TIAM2: variants seen among roughly 807,000 people sequenced by gnomAD.
The protein encoded by TIAM2 is rho guanine nucleotide exchange factor TIAM2.
TIAM2 carries 80 observed loss-of-function variants against 152.9 expected under a neutral mutation model. That is an observed-to-expected ratio of 0.52 (90% CI 0.44 to 0.63). TIAM2 has a LOEUF of 0.63. Among genes scored for constraint, TIAM2 ranks in the 30% least tolerant of loss-of-function variants. The pLI is 0.00. For synonymous variants in TIAM2, 804 were observed against 838.0 expected, an observed-to-expected ratio of 0.96 and a Z score of 0.70; for missense variants, 1,965 against 2,120.1, an observed-to-expected ratio of 0.93 and a Z score of 1.44.
At position 155,129,158 on chromosome 6, in the gene TIAM2, C is replaced by A; in HGVS notation, c.-6-60C>A. The A allele has an allele frequency of 6.7e-7, 1 of 1,485,586 alleles. No homozygotes were observed. Among genetic ancestry groups the A allele is most frequent in the Non-Finnish European group, 9.2e-7 (1 of 1,086,232 alleles). The allele number at this position is 1,485,586 out of a possible 1,614,324, so 92.0% of individuals were successfully genotyped here. A position where few individuals can be genotyped will look rare whatever the true frequency, so the allele number is the denominator to read the frequency against. ...TGCAGGGCATTCTTTTTAGAAAGTTCTGTCATAATGGAATGTAATTTAGGC... is the reference window on the plus strand; with the variant it reads ...TGCAGGGCATTCTTTTTAGAAAGTTATGTCATAATGGAATGTAATTTAGGC... On this transcript the variant is annotated intron_variant, in intron 3 of 26. Coordinates refer to ENST00000682666, the MANE Select transcript of TIAM2 (RefSeq NM_012454.4). This position sits in a 1 kb window ranked among gnomAD's most constrained non-coding sequence, Gnocchi z 4.8.
chr6:155,046,182 T>C (rs573363655), intron 1 of TIAM2, among the ~76,000 whole-genome samples: 49 of 152,242 alleles, frequency 3.2e-4, no homozygotes, highest in African/African-American at 1.2e-3. Flanking sequence ...TGCCCTCTCT[T>C]TTCTAGGATT....
chr6:155,047,149 C>A (rs569528844), intron 1 of TIAM2, among the ~76,000 whole-genome samples: 11 of 152,068 alleles, frequency 7.2e-5, no homozygotes, highest in African/African-American at 1.7e-4. Flanking sequence ...GGCAGCAGTC[C>A]CTGATTGTCC....
At chr6:155,177,406 T>A (rs1780783535) in intron 10 of TIAM2, among the ~76,000 whole-genome samples, 1 of 152,234 alleles carries the variant, frequency 6.6e-6, no homozygotes, top group Non-Finnish European at 1.5e-5. Flanking sequence ...CACAGTTGCT[T>A]TATGGAGATT....
intron 20 of TIAM2, among the ~76,000 whole-genome samples, chr6:155,249,395 G>C (rs897552675): frequency 6.6e-6 from 1 of 152,198 alleles, no homozygotes; most frequent in Non-Finnish European, 1.5e-5. Context: ...CCTAAGCCCA[G>C]TCAGGCTTGG....
chr6:155,228,488 T>A (rs1236277951), intron 15 of TIAM2, among the ~76,000 whole-genome samples: 1 of 152,306 alleles, frequency 6.6e-6, no homozygotes, highest in African/African-American at 2.4e-5. Context: ...CTCATGTCTG[T>A]TATCCCAAAA....
At chr6:155,255,573 A>C (rs1342020021) in intron 26 of TIAM2, 1 of 152,094 alleles carries the variant, frequency 6.6e-6, no homozygotes. Context: ...AGAAACACCA[A>C]AACTGAGAAC....
rs1780402028 is a variant in TIAM2, at chr6:155,165,427, G to A, written c.2361+18G>A. 2 of 1,602,656 alleles carry A rather than the reference G, an allele frequency of 1.2e-6. No homozygotes were observed. The highest frequency in any genetic ancestry group is 1.1e-5 in the South Asian group (1 of 88,800). ...TAACTCAGGTGAGCTTTTCAGCATG[G>A]GAACAGCAGACTAGAGTGAAATTCC... On this transcript the variant is annotated intron_variant, in intron 9 of 26. Transcript: ENST00000682666.
At chr6:155,141,734 G>A (rs955095278) in intron 5 of TIAM2, among the ~76,000 whole-genome samples, 3 of 152,312 alleles carry the variant, frequency 2.0e-5, no homozygotes, top group African/African-American at 7.2e-5. Flanking sequence ...GATAGTCAGT[G>A]TCAGGGGAGG....
At chr6:155,060,552 A>G (rs1777553877) in intron 1 of TIAM2, among the ~76,000 whole-genome samples, 1 of 152,202 alleles carries the variant, frequency 6.6e-6, no homozygotes, top group South Asian at 2.1e-4. Flanking sequence ...TTAGAACTCA[A>G]TACTATCATT....
chr6:155,026,752 T>A (rs1363709786), intron 1 of TIAM2, among the ~76,000 whole-genome samples: 1 of 152,190 alleles, frequency 6.6e-6, no homozygotes, highest in Non-Finnish European at 1.5e-5. Flanking sequence ...CTGGTTTGAT[T>A]GGAGTGGGGC....
At chr6:155,047,780 G>A (rs1777232067) in intron 1 of TIAM2, among the ~76,000 whole-genome samples, 1 of 148,774 alleles carries the variant, frequency 6.7e-6, no homozygotes, top group Admixed American at 6.8e-5. Flanking sequence ...GGACCCCCAG[G>A]TGCTCCCACT....
rs2114650794 is a variant in TIAM2 at position 155,257,333 on chromosome 6, C to T, written c.*212C>T. 2 of 576,056 alleles carry T rather than the reference C, an allele frequency of 3.5e-6. No individual in the cohort carries two copies. The highest frequency in any genetic ancestry group is 3.3e-5 in the Admixed American group (1 of 30,064). 35.7% of individuals were successfully genotyped at this position (576,056 alleles called of 1,614,324 possible). A position where few individuals can be genotyped will look rare whatever the true frequency, so the allele number is the denominator to read the frequency against. On this transcript the variant is annotated 3_prime_UTR_variant, in exon 27 of 27. Transcript: ENST00000682666. ...GAAACTGGTCAGAATCTGTAAATTA[C>T]TTAGTTTATATCCACTTTGAGCAGG...
intron 1 of TIAM2, among the ~76,000 whole-genome samples, chr6:155,082,389 G>A (rs990285770): frequency 2.0e-5 from 3 of 151,882 alleles, no homozygotes; most frequent in Admixed American, 6.6e-5. Flanking sequence ...TGTGGCTCAC[G>A]CCTGTAATCC....
rs1562295061 is a variant in TIAM2, at chr6:155,029,421, A to AGTATATAT, written c.-209+33929_-209+33930insGTATATAT. 1.1e-3 allele frequency among the ~76,000 whole-genome samples: 93 copies of AGTATATAT among 84,840 alleles called. 5 individuals are homozygous for AGTATATAT. The highest frequency in any genetic ancestry group is 2.1e-3 in the East Asian group (5 of 2,394). 55.7% of individuals were successfully genotyped at this position (84,840 alleles called of 152,430 possible). The stretch of plus-strand genomic sequence containing the variant: ...CTATAGTATATATAATATATACTAT[A>AGTATATAT]TATACTATAGTATATATTATACTAT... On this transcript the variant is annotated intron_variant, in intron 1 of 26. Coordinates refer to ENST00000682666, the MANE Select transcript of TIAM2 (RefSeq NM_012454.4).
At chr6:155,172,690 T>A (rs1448283393) in intron 9 of TIAM2, among the ~76,000 whole-genome samples, 353 of 28,962 alleles carry the variant, frequency 0.012, no homozygotes, top group African/African-American at 0.022. Flanking sequence ...ATATATATTT[T>A]TTTTTTTTTT....
intron 2 of TIAM2, among the ~76,000 whole-genome samples, chr6:155,096,285 A>G (rs548224228): frequency 3.9e-5 from 6 of 152,316 alleles, no homozygotes; most frequent in African/African-American, 1.4e-4. Flanking sequence ...CGTTCATATA[A>G]TTTGTAAAGA....
chr6:155,047,160 A>G (rs756442804), intron 1 of TIAM2, among the ~76,000 whole-genome samples: 2 of 152,094 alleles, frequency 1.3e-5, no homozygotes, highest in African/African-American at 2.4e-5. Flanking sequence ...CTGATTGTCC[A>G]GCACCTGAAG....
intron 1 of TIAM2, among the ~76,000 whole-genome samples, chr6:155,039,647 G>C (rs935411237): frequency 1.4e-5 from 2 of 144,336 alleles, no homozygotes; most frequent in Non-Finnish European, 3.0e-5. Context: ...GGGGTGGTTG[G>C]TGGGGGGGCT....
At chr6:155,029,318 ACTATATGTACTATGTGTTATATATAATAT>A (rs1286857994) in intron 1 of TIAM2, among the ~76,000 whole-genome samples, 3 of 120,038 alleles carry the variant, frequency 2.5e-5, no homozygotes, top group African/African-American at 9.2e-5. Context: ...TGTTATATAT[ACTATATGTACTATGTGTTATATATAATAT>A]ATATACGTTA....
Sources: gnomAD v4.1 joint callset for allele counts (sites outside exome capture counted in the v4.1 genomes callset) on GRCh38, gnomAD v4.1.1 for gene constraint, Gnocchi (gnomAD v3.1) non-coding constraint, MANE v1.5 for transcripts, NCBI Gene and HGNC (gene_info 2026-07-23, HGNC 2026-07-21) for gene names.